GTF2H1: variants seen among roughly 807,000 people sequenced by gnomAD.
GTF2H1 encodes the protein BTF2 p62.
In GTF2H1, 16 loss-of-function variants were observed where a neutral mutation model predicts 71.2. That is an observed-to-expected ratio of 0.22 (90% CI 0.15 to 0.34). GTF2H1 has a LOEUF of 0.34. Ranked by LOEUF, GTF2H1 falls within the 10% of genes least tolerant of loss-of-function variation. The probability of loss-of-function intolerance (pLI) is 1.00; values close to 1 mark genes in which losing one functional copy is unlikely to be tolerated. For synonymous variants in GTF2H1, 215 were observed against 219.0 expected, an observed-to-expected ratio of 0.98 and a Z score of 0.16; for missense variants, 498 against 648.2, an observed-to-expected ratio of 0.77 and a Z score of 2.52.
At chr11:18,329,549 T>A (rs774646624) in intron 1 of GTF2H1, among the ~76,000 whole-genome samples, 16 of 152,198 alleles carry the variant, frequency 1.1e-4, no homozygotes, top group Admixed American at 1.3e-4. Context: ...TACAAATCAC[T>A]CCCCTATTCA....
intron 1 of GTF2H1, among the ~76,000 whole-genome samples, chr11:18,327,564 A>G (rs533023674): frequency 1.3e-5 from 2 of 152,306 alleles, no homozygotes; most frequent in South Asian, 4.1e-4. Context: ...GATAATGCCT[A>G]TAAGAAACTT....
chr11:18,349,111 T>C (rs1195332949), intron 9 of GTF2H1, among the ~76,000 whole-genome samples: 1 of 152,172 alleles, frequency 6.6e-6, no homozygotes, highest in Non-Finnish European at 1.5e-5. Context: ...GCCAGGCTGG[T>C]GTTGAACTCC....
intron 7 of GTF2H1, among the ~76,000 whole-genome samples, chr11:18,343,033 T>C (rs1442992839): frequency 3.3e-5 from 5 of 152,180 alleles, no homozygotes; most frequent in Non-Finnish European, 2.9e-5. Flanking sequence ...GCGATTCTCC[T>C]GCCTCAGGCT....
chr11:18,354,489 T>G (rs1023786123), intron 11 of GTF2H1, among the ~76,000 whole-genome samples: 1 of 152,184 alleles, frequency 6.6e-6, no homozygotes, highest in Non-Finnish European at 1.5e-5. Context: ...TGTAGTGCAG[T>G]GGCACAGTCA....
chr11:18,338,240 A>T lies in GTF2H1; in HGVS notation c.479A>T (p.His160Leu). Residue 160 changes from histidine to leucine, a missense_variant, in exon 4 of 15, where the codon CAT becomes CTT. Physicochemically the swap from His to Leu is moderately conservative, Grantham distance 99. Transcript: ENST00000265963. Reference sequence around the variant, plus strand: ...ACAGATAGTTCTTCCACATCCAATCATAAGCAGGATGTTGGCATTTCTGCT... The same window carrying T: ...ACAGATAGTTCTTCCACATCCAATCTTAAGCAGGATGTTGGCATTTCTGCT... ...NATDSSSTSN[H>L]KQDVGISAAF... The T allele has an allele frequency of 6.2e-7, 1 of 1,610,506 alleles. No homozygotes were observed. The highest frequency in any genetic ancestry group is 2.2e-5 in the East Asian group (1 of 44,844).
intron 11 of GTF2H1, among the ~76,000 whole-genome samples, chr11:18,352,823 AT>A (rs1235204705): frequency 2.6e-5 from 4 of 152,224 alleles, no homozygotes; most frequent in Non-Finnish European, 4.4e-5. Flanking sequence ...ACTTCAGTTG[AT>A]CAGCAATTTG....
chr11:18,323,220 A>C (rs1864590155), intron 1 of GTF2H1, among the ~76,000 whole-genome samples: 3 of 152,202 alleles, frequency 2.0e-5, no homozygotes, highest in Admixed American at 2.0e-4. Flanking sequence ...AAAATAGACC[A>C]TGAGTACCTG....
At chr11:18,323,387 C>T (rs758141405) in intron 1 of GTF2H1, among the ~76,000 whole-genome samples, 1 of 151,948 alleles carries the variant, frequency 6.6e-6, no homozygotes, top group Non-Finnish European at 1.5e-5. Flanking sequence ...ACCTCGAATT[C>T]CTGGGCTCAA....
intron 11 of GTF2H1, among the ~76,000 whole-genome samples, chr11:18,353,951 A>G (rs1865483316): frequency 1.3e-5 from 2 of 152,224 alleles, no homozygotes; most frequent in Non-Finnish European, 2.9e-5. Context: ...CATTTTCACC[A>G]GTTATACCAC....
intron 7 of GTF2H1, among the ~76,000 whole-genome samples, chr11:18,343,061 A>G (rs1467703544): frequency 6.6e-6 from 1 of 152,200 alleles, no homozygotes; most frequent in Admixed American, 6.5e-5. Context: ...AGCTGAGATC[A>G]CAGGCACATG....
rs1865840426 is a variant in GTF2H1, at chr11:18,366,974, G to C, written c.*1105G>C. 1 of 150,682 alleles carries C rather than the reference G, an allele frequency of 6.6e-6. No individual in the cohort carries two copies. The highest frequency in any genetic ancestry group is 1.5e-5 in the Non-Finnish European group (1 of 67,808). 9.3% of individuals were successfully genotyped at this position (150,682 alleles called of 1,614,324 possible). ...CTGATGGGATCAACTTAATGTTTAA[G>C]ACTTTAGATGTCTTGTATTAAAAAT... On this transcript the variant is annotated 3_prime_UTR_variant, in exon 15 of 15. Coordinates refer to ENST00000265963, the MANE Select transcript of GTF2H1 (RefSeq NM_005316.4).
intron 7 of GTF2H1, among the ~76,000 whole-genome samples, chr11:18,345,603 C>G (rs372242170): frequency 6.6e-6 from 1 of 151,088 alleles, no homozygotes; most frequent in East Asian, 1.9e-4. Context: ...AGTTCAAGCA[C>G]TTCTCCTCCC....
In GTF2H1 at chr11:18,346,733, C is replaced by CTTTTTTTTTTTTTTT. The variant is rs35494754; in HGVS notation, c.838-847_838-833dup. ...CACTATATTCTATTCTTTTTATTTA[C>CTTTTTTTTTTTTTTT]TTTTTTTTTTTTTTTTTTTTTTGAG... On this transcript the variant is annotated intron_variant, in intron 7 of 14. Transcript: ENST00000265963. Among the ~76,000 whole-genome samples the CTTTTTTTTTTTTTTT allele has an allele frequency of 1.2e-4, 10 of 85,216 alleles. 1 individual carries two copies. Among genetic ancestry groups the CTTTTTTTTTTTTTTT allele is most frequent in the East Asian group, 8.2e-4 (2 of 2,432 alleles). 55.9% of individuals were successfully genotyped at this position (85,216 alleles called of 152,430 possible).
chr11:18,324,008 G>T (rs2133946756), intron 1 of GTF2H1, among the ~76,000 whole-genome samples: 1 of 151,822 alleles, frequency 6.6e-6, no homozygotes, highest in Middle Eastern at 3.4e-3. Flanking sequence ...CCCTCATTCA[G>T]AAAGGAGAAA....
At position 18,347,715 on chromosome 11, in the gene GTF2H1, A is replaced by T. The variant is rs2133975565; in HGVS notation, c.965A>T (p.Gln322Leu). ...AMVLAAGLRK[Q>L]EAQNEQTSEP... ...GTCCTGGCAGCTGGACTCAGAAAAC[A>T]GTTAAGTATAAATGCAGAGGTGCAG... Residue 322 changes from glutamine to leucine, a missense_variant and splice_region_variant, in exon 8 of 15, where the codon CAA becomes CTA. Around this residue, in one of 3 missense-constraint regions of GTF2H1, gnomAD observed 266 missense variants for 301.6 expected, o/e 0.88. Coordinates refer to ENST00000265963, the MANE Select transcript of GTF2H1 (RefSeq NM_005316.4). 1.9e-6 allele frequency: 3 copies of T among 1,613,270 alleles called. No individual in the cohort carries two copies. The highest frequency in any genetic ancestry group is 2.2e-5 in the East Asian group (1 of 44,880).
intron 10 of GTF2H1, 83 bp from the exon 11 acceptor site, chr11:18,352,246 A>G: frequency 1.4e-6 from 1 of 713,206 alleles, no homozygotes; most frequent in South Asian, 1.7e-5. Context: ...GGAACTTAGT[A>G]CTGACTGCTA....
intron 4 of GTF2H1, among the ~76,000 whole-genome samples, chr11:18,339,166 G>A (rs552832528): frequency 1.5e-4 from 23 of 152,246 alleles, no homozygotes; most frequent in Non-Finnish European, 2.9e-4. Context: ...ATCTTTTTTG[G>A]ATGTTTATTA....
intron 9 of GTF2H1, among the ~76,000 whole-genome samples, chr11:18,349,667 A>G (rs1865382128): frequency 6.6e-6 from 1 of 152,192 alleles, no homozygotes; most frequent in African/African-American, 2.4e-5. Flanking sequence ...TGGATGACAG[A>G]GCAAGACTCC....
At chr11:18,365,086 A>C (rs968156915) in intron 14 of GTF2H1, among the ~76,000 whole-genome samples, 16 of 150,954 alleles carry the variant, frequency 1.1e-4, no homozygotes, top group Non-Finnish European at 4.4e-5. Flanking sequence ...AAGAAAAAAA[A>C]AAAAAACCTG....
Sources: gnomAD v4.1 joint callset for allele counts (sites outside exome capture counted in the v4.1 genomes callset) on GRCh38, gnomAD v4.1.1 for gene constraint, gnomAD v4.1.1 regional missense constraint, MANE v1.5 for transcripts, NCBI Gene and HGNC (gene_info 2026-07-23, HGNC 2026-07-21) for gene names.